QTMAN: variants seen among roughly 807,000 people sequenced by gnomAD.
The protein encoded by QTMAN is queuosine-tRNA mannosyltransferase, also known as tRNA-queuosine alpha-mannosyltransferase.
the QTMAN span, among the ~76,000 whole-genome samples, chr2:143,953,877 C>T: frequency 1.1e-4 from 16 of 151,742 alleles, no homozygotes; most frequent in African/African-American, 3.6e-4. Context: ...TTTACAGTGA[C>T]GAAGTACATG....
chr2:144,282,385 TTA>T, the QTMAN span, among the ~76,000 whole-genome samples: 1 of 148,568 alleles, frequency 6.7e-6, no homozygotes, highest in East Asian at 1.9e-4. Flanking sequence ...TATATAATAT[TTA>T]TATATTATAT....
chr2:143,972,730 T>A, the QTMAN span, among the ~76,000 whole-genome samples: 2 of 152,206 alleles, frequency 1.3e-5, no homozygotes. Context: ...CCTCTTTTTG[T>A]TTAAACTGTA....
the QTMAN span, among the ~76,000 whole-genome samples, chr2:144,319,285 C>A: frequency 6.6e-6 from 1 of 152,066 alleles, no homozygotes; most frequent in Non-Finnish European, 1.5e-5. Context: ...GGCAAAATTT[C>A]AAGAATCCTC....
the QTMAN span, among the ~76,000 whole-genome samples, chr2:144,276,548 C>T: frequency 2.2e-4 from 33 of 152,022 alleles, no homozygotes; most frequent in Admixed American, 7.2e-4. Flanking sequence ...TAACCTAATC[C>T]TTTTTTTGTT....
the QTMAN span, among the ~76,000 whole-genome samples, chr2:144,250,137 T>G: frequency 1.4e-3 from 165 of 117,562 alleles, no homozygotes; most frequent in Admixed American, 1.7e-3. Flanking sequence ...TTTTTTTTTG[T>G]TTGTTTTTGT....
chr2:144,011,640 TAAAAAA>T, the QTMAN span: 1 of 883,856 alleles, frequency 1.1e-6, no homozygotes, highest in Non-Finnish European at 1.3e-6. Context: ...TCTATGCTAG[TAAAAAA>T]AAAAAAAAAA....
At chr2:143,955,240 T>G in the QTMAN span, among the ~76,000 whole-genome samples, 4 of 152,276 alleles carry the variant, frequency 2.6e-5, no homozygotes, top group South Asian at 8.3e-4. Context: ...AAGTTACAAT[T>G]ATAAGTGACA....
At chr2:144,045,281 A>G in the QTMAN span, among the ~76,000 whole-genome samples, 1 of 152,234 alleles carries the variant, frequency 6.6e-6, no homozygotes, top group African/African-American at 2.4e-5. Flanking sequence ...TTGAATGTCT[A>G]CATCGGAAGT....
the QTMAN span, among the ~76,000 whole-genome samples, chr2:144,326,072 A>G: frequency 3.9e-5 from 6 of 152,234 alleles, no homozygotes; most frequent in Non-Finnish European, 5.9e-5. Flanking sequence ...TTTACTCTTT[A>G]GTATACAATT....
At chr2:144,242,299 G>T in the QTMAN span, among the ~76,000 whole-genome samples, 1 of 151,396 alleles carries the variant, frequency 6.6e-6, no homozygotes, top group Non-Finnish European at 1.5e-5. Context: ...ATGAACCAAG[G>T]GTTATGCTGA....
the QTMAN span, among the ~76,000 whole-genome samples, chr2:143,969,239 G>A: frequency 3.3e-5 from 5 of 152,050 alleles, no homozygotes; most frequent in Non-Finnish European, 5.9e-5. Context: ...GGCTATTCAA[G>A]TACCAGCCCT....
chr2:144,106,693 T>A, the QTMAN span, among the ~76,000 whole-genome samples: 1 of 152,162 alleles, frequency 6.6e-6, no homozygotes, highest in African/African-American at 2.4e-5. Context: ...ATTAGACAGA[T>A]CAACGAGACA....
chr2:144,285,679 G>C, the QTMAN span, among the ~76,000 whole-genome samples: 2 of 152,100 alleles, frequency 1.3e-5, no homozygotes, highest in Non-Finnish European at 2.9e-5. Context: ...CAATTACAAA[G>C]AAAATGTAAT....
chr2:144,307,655 T>A, the QTMAN span, among the ~76,000 whole-genome samples: 1 of 152,244 alleles, frequency 6.6e-6, no homozygotes, highest in Non-Finnish European at 1.5e-5. Context: ...CAAGGTTCAA[T>A]ATGTAAAAAT....
the QTMAN span, among the ~76,000 whole-genome samples, chr2:144,286,902 C>T: frequency 6.6e-6 from 1 of 152,196 alleles, no homozygotes; most frequent in African/African-American, 2.4e-5. Context: ...TATAGCTTCA[C>T]ATGTAATTTC....
chr2:143,954,621 A>G, the QTMAN span, among the ~76,000 whole-genome samples: 116 of 152,202 alleles, frequency 7.6e-4, no homozygotes, highest in African/African-American at 2.7e-3. Flanking sequence ...CATCAAGGAA[A>G]AAACCACCAT....
At chr2:144,035,629 A>T in the QTMAN span, among the ~76,000 whole-genome samples, 2 of 152,238 alleles carry the variant, frequency 1.3e-5, no homozygotes, top group African/African-American at 2.4e-5. Flanking sequence ...AAGGGAATTT[A>T]ACATTTGACA....
At chr2:144,042,882 C>T in the QTMAN span, among the ~76,000 whole-genome samples, 6 of 151,880 alleles carry the variant, frequency 4.0e-5, no homozygotes, top group Non-Finnish European at 8.8e-5. Flanking sequence ...GTACTGAAAA[C>T]GTAATGCTAG....
At chr2:144,015,645 T>G in the QTMAN span, among the ~76,000 whole-genome samples, 1 of 152,224 alleles carries the variant, frequency 6.6e-6, no homozygotes. Flanking sequence ...AGGCAATACC[T>G]TAATTCAATG....
Sources: gnomAD v4.1 joint callset for allele counts (sites outside exome capture counted in the v4.1 genomes callset) on GRCh38, gnomAD v4.1.1 for gene constraint, MANE v1.5 for transcripts, NCBI Gene and HGNC (gene_info 2026-07-23, HGNC 2026-07-21) for gene names.